WDR49: variants seen among roughly 807,000 people sequenced by gnomAD.
The protein encoded by WDR49 is WD repeat domain 49.
A neutral mutation model predicts 119.5 loss-of-function variants in WDR49; 107 were observed. The observed-to-expected ratio is 0.90, with a 90% CI of 0.77 to 1.05. The LOEUF is 1.05. WDR49 is among the 50% of genes least tolerant of loss of function. The pLI, the probability that WDR49 is intolerant of heterozygous loss-of-function variation, is 0.00. For synonymous variants in WDR49, 425 were observed against 418.8 expected (o/e 1.01, Z -0.18); for missense variants, 1,240 against 1,220.5 (o/e 1.02, Z -0.24).
At chr3:167,565,131 A>G (rs1331434656) in intron 8 of WDR49, among the ~76,000 whole-genome samples, 1 of 152,204 alleles carries the variant, frequency 6.6e-6, no homozygotes, top group African/African-American at 2.4e-5. Flanking sequence ...TCAGAGTACA[A>G]GTACAAATTA....
At chr3:167,594,811 A>G (rs547995249) in intron 7 of WDR49, among the ~76,000 whole-genome samples, 1 of 150,330 alleles carries the variant, frequency 6.7e-6, no homozygotes, top group Admixed American at 6.7e-5. Flanking sequence ...CTGGCACAAG[A>G]CAGGGATGCC....
chr3:167,608,397 G>A (rs1006011793), intron 5 of WDR49, among the ~76,000 whole-genome samples: 4 of 152,072 alleles, frequency 2.6e-5, no homozygotes, highest in Non-Finnish European at 5.9e-5. Flanking sequence ...TAGTTTCCAG[G>A]TTATAAAGAA....
chr3:167,513,936 T>C (rs1752092012), intron 16 of WDR49, among the ~76,000 whole-genome samples: 1 of 152,286 alleles, frequency 6.6e-6, no homozygotes, highest in South Asian at 2.1e-4. Flanking sequence ...ATGCACCCAA[T>C]ACAGGAGAAC....
At chr3:167,513,841 A>G (rs535120366) in intron 16 of WDR49, among the ~76,000 whole-genome samples, 2 of 152,344 alleles carry the variant, frequency 1.3e-5, no homozygotes, top group East Asian at 3.9e-4. Context: ...CTTTAAACTA[A>G]CAAAGATCAA....
chr3:167,651,136 C>T (rs1359222824), intron 2 of WDR49, among the ~76,000 whole-genome samples: 2 of 152,094 alleles, frequency 1.3e-5, no homozygotes, highest in African/African-American at 4.8e-5. Flanking sequence ...TTCAAAGACC[C>T]AACTTCCTGT....
chr3:167,488,327 T>C (rs1751003620), intron 18 of WDR49, among the ~76,000 whole-genome samples: 1 of 151,770 alleles, frequency 6.6e-6, no homozygotes. Context: ...TCACTTATAA[T>C]TAAGGGTTAA....
rs576111204 is a variant in WDR49 at position 167,500,761 on chromosome 3, C to T, written c.2885-462G>A. Among the ~76,000 whole-genome samples, 23 of 152,252 alleles carry T rather than the reference C, an allele frequency of 1.5e-4. No homozygotes were observed. In the Middle Eastern group the frequency reaches 0.014, roughly 90 times the overall value. ...GCTGCGTTATTGTATTTATTATGCACACAATGAGATGATAGGAATCTATTT... is the reference window on the plus strand; with the variant it reads ...GCTGCGTTATTGTATTTATTATGCATACAATGAGATGATAGGAATCTATTT... On this transcript the variant is annotated intron_variant, in intron 17 of 18. Coordinates refer to ENST00000682715, the MANE Select transcript of WDR49 (RefSeq NM_001366157.1).
intron 18 of WDR49, among the ~76,000 whole-genome samples, chr3:167,495,767 C>T (rs1013342329): frequency 6.8e-6 from 1 of 147,488 alleles, no homozygotes; most frequent in African/African-American, 2.5e-5. Flanking sequence ...ATCTGAAAAC[C>T]AAGGCTAAAG....
At chr3:167,504,931 T>C (rs1751708349) in intron 17 of WDR49, among the ~76,000 whole-genome samples, 1 of 152,162 alleles carries the variant, frequency 6.6e-6, no homozygotes, top group Admixed American at 6.5e-5. Flanking sequence ...GTGATGTGCT[T>C]GCTATTGCTT....
chr3:167,566,785 G>T (rs947022194), intron 8 of WDR49: 1 of 598,632 alleles, frequency 1.7e-6, no homozygotes, highest in Non-Finnish European at 3.0e-6. Context: ...CTAGAGAAAA[G>T]AAAATGTTAT....
At chr3:167,561,954 T>C (rs896155545) in intron 8 of WDR49, among the ~76,000 whole-genome samples, 7 of 151,856 alleles carry the variant, frequency 4.6e-5, no homozygotes, top group African/African-American at 1.7e-4. Flanking sequence ...TGAGAAACAA[T>C]ACAAAGTTTA....
intron 16 of WDR49, among the ~76,000 whole-genome samples, chr3:167,509,365 A>C (rs1751881860): frequency 6.6e-6 from 1 of 152,184 alleles, no homozygotes; most frequent in African/African-American, 2.4e-5. Context: ...CTATTCAAAA[A>C]GGCTGGGATG....
At chr3:167,563,981 A>G (rs905866331) in intron 8 of WDR49, among the ~76,000 whole-genome samples, 5 of 152,232 alleles carry the variant, frequency 3.3e-5, no homozygotes, top group Non-Finnish European at 7.3e-5. Flanking sequence ...AGACTTGATT[A>G]CCTGTTCAGG....
intron 8 of WDR49, 121 bp from the exon 9 acceptor site, chr3:167,560,349 T>C (rs560231820): frequency 2.0e-6 from 2 of 996,822 alleles, no homozygotes; most frequent in Admixed American, 5.8e-5. Flanking sequence ...GTCAGAGACA[T>C]TTTTGTAATG....
intron 5 of WDR49, among the ~76,000 whole-genome samples, chr3:167,619,024 G>T (rs545393211): frequency 3.9e-5 from 6 of 152,106 alleles, no homozygotes; most frequent in African/African-American, 1.4e-4. Flanking sequence ...CATCGGAAAA[G>T]ACAATCACAA....
intron 5 of WDR49, among the ~76,000 whole-genome samples, chr3:167,615,269 AG>A (rs1187217858): frequency 7.2e-5 from 11 of 152,086 alleles, no homozygotes; most frequent in African/African-American, 2.7e-4. Flanking sequence ...CTGGGTAGCT[AG>A]GGCTACAGGC....
At chr3:167,591,824 G>A (rs1043305892) in intron 7 of WDR49, among the ~76,000 whole-genome samples, 1 of 151,868 alleles carries the variant, frequency 6.6e-6, no homozygotes, top group Non-Finnish European at 1.5e-5. Context: ...AGATAATTGG[G>A]TCTTGTTTTT....
rs1001320677 is a variant in WDR49, at chr3:167,624,155, A to G, written c.607-2512T>C. Reference sequence around the variant, plus strand: ...TGCTTAACATTATTAGCTACTAGGTAAATATGAATTAAAGCCACAATAAGA... The same window carrying G: ...TGCTTAACATTATTAGCTACTAGGTGAATATGAATTAAAGCCACAATAAGA... On this transcript the variant is annotated intron_variant, in intron 3 of 18. Transcript: ENST00000682715. Among the ~76,000 whole-genome samples, 8 of 152,094 alleles carry G rather than the reference A, an allele frequency of 5.3e-5. No individual in the cohort carries two copies. In the East Asian group the frequency reaches 1.5e-3, roughly 29 times the overall value.
At chr3:167,607,829 G>T (rs1274516778) in intron 5 of WDR49, among the ~76,000 whole-genome samples, 1 of 151,894 alleles carries the variant, frequency 6.6e-6, no homozygotes, top group African/African-American at 2.4e-5. Flanking sequence ...TGATCCCCAC[G>T]GGAACAGTAT....
Sources: gnomAD v4.1 joint callset for allele counts (sites outside exome capture counted in the v4.1 genomes callset) on GRCh38, gnomAD v4.1.1 for gene constraint, MANE v1.5 for transcripts, NCBI Gene and HGNC (gene_info 2026-07-23, HGNC 2026-07-21) for gene names.